The following MAGI1 variants were observed in gnomAD, a reference collection of about 807,000 sequenced individuals.
MAGI1 encodes the protein membrane associated guanylate kinase, WW and PDZ domain containing 1, also known as membrane-associated guanylate kinase, WW and PDZ domain-containing protein 1.
MAGI1 carries 58 observed loss-of-function variants against 139.9 expected under a neutral mutation model. The observed-to-expected ratio is 0.41, with a 90% CI of 0.34 to 0.52. The LOEUF is 0.52. Ranked by LOEUF, MAGI1 falls within the 20% of genes least tolerant of loss-of-function variation. The probability of loss-of-function intolerance (pLI) is 0.12; values close to 1 mark genes in which losing one functional copy is unlikely to be tolerated. For missense variants in MAGI1, 1,874 were observed against 1,901.6 expected (o/e 0.99, Z 0.27); for synonymous variants, 812 against 737.9 (o/e 1.10, Z -1.63).
chr3:65,615,877 C>CA lies in MAGI1; in HGVS notation c.430+6094dup, dbSNP rs1415136413. 3.9e-5 allele frequency among the ~76,000 whole-genome samples: 6 copies of CA among 152,278 alleles called. No homozygotes were observed. The East Asian group carries it at 5.8e-4, about 15-fold the overall frequency. On this transcript the variant is annotated intron_variant, in intron 2 of 22. Transcript: ENST00000402939. ...ACATGGTGAAATAGGAAACCACGTA[C>CA]AAGCAGTGCAGTGATATCCTTGACA...
intron 2 of MAGI1, among the ~76,000 whole-genome samples, chr3:65,588,048 T>G (rs2081777487): frequency 6.6e-6 from 1 of 152,148 alleles, no homozygotes; most frequent in Non-Finnish European, 1.5e-5. Context: ...TAGAGGCTCC[T>G]TTTCTGAACA....
intron 1 of MAGI1, among the ~76,000 whole-genome samples, chr3:65,875,621 T>C (rs1157271866): frequency 6.6e-6 from 1 of 152,266 alleles, no homozygotes; most frequent in Non-Finnish European, 1.5e-5. Context: ...AAGACACTTA[T>C]CTCCTCCAGG....
At chr3:65,901,279 A>C (rs1449727719) in intron 1 of MAGI1, among the ~76,000 whole-genome samples, 2 of 152,216 alleles carry the variant, frequency 1.3e-5, no homozygotes, top group Admixed American at 6.5e-5. Context: ...AATGATGAGG[A>C]ATCCACCATG....
intron 18 of MAGI1, among the ~76,000 whole-genome samples, chr3:65,374,735 C>T (rs1942333721): frequency 6.6e-6 from 1 of 152,092 alleles, no homozygotes; most frequent in Non-Finnish European, 1.5e-5. Flanking sequence ...CATGTCTGAC[C>T]TAACTAGATG....
chr3:65,603,010 G>C (rs1192758240), intron 2 of MAGI1, among the ~76,000 whole-genome samples: 1 of 152,008 alleles, frequency 6.6e-6, no homozygotes, highest in Admixed American at 6.5e-5. Flanking sequence ...TCATTTTCTA[G>C]AATAATAAAT....
intron 5 of MAGI1, among the ~76,000 whole-genome samples, chr3:65,454,123 G>A (rs1190912908): frequency 6.6e-6 from 1 of 152,048 alleles, no homozygotes; most frequent in Non-Finnish European, 1.5e-5. Flanking sequence ...CAGCTTTTGT[G>A]CTTCCCAAAG....
intron 1 of MAGI1, among the ~76,000 whole-genome samples, chr3:65,869,622 G>A (rs537392112): frequency 7.9e-5 from 12 of 151,954 alleles, no homozygotes; most frequent in South Asian, 6.2e-4. Flanking sequence ...GGATGGTCTC[G>A]ATCTCCTGAC....
intron 2 of MAGI1, among the ~76,000 whole-genome samples, chr3:65,574,879 G>T (rs1338647899): frequency 6.6e-6 from 1 of 151,988 alleles, no homozygotes. Context: ...TTCAACAAGT[G>T]ACACTAAAAC....
intron 1 of MAGI1, among the ~76,000 whole-genome samples, chr3:65,921,642 T>C (rs1360049439): frequency 6.6e-6 from 1 of 152,114 alleles, no homozygotes; most frequent in Non-Finnish European, 1.5e-5. Flanking sequence ...TTTACCACCA[T>C]ATTGGAATAA....
Position 65,850,328 on chromosome 3 carries a change from A to T in MAGI1, c.313+187668T>A, listed in dbSNP as rs559468603. On this transcript the variant is annotated intron_variant, in intron 1 of 22. Transcript: ENST00000402939. ...CACTTTTAGTATGGAAAAACCTGGA[A>T]ACCATATGCAAACTTAATCCCAGTT... Among the ~76,000 whole-genome samples, 8 of 152,270 alleles carry T rather than the reference A, an allele frequency of 5.3e-5. No individual in the cohort carries two copies. In the South Asian group the frequency reaches 1.7e-3, roughly 32 times the overall value.
intron 2 of MAGI1, among the ~76,000 whole-genome samples, chr3:65,580,318 CT>C (rs35237934): frequency 2.7e-5 from 4 of 148,862 alleles, no homozygotes; most frequent in Non-Finnish European, 4.5e-5. Flanking sequence ...CTTTTTTCTC[CT>C]TTTTTTTTTC....
intron 2 of MAGI1, among the ~76,000 whole-genome samples, chr3:65,500,159 T>C (rs1010696446): frequency 1.3e-5 from 2 of 152,232 alleles, no homozygotes; most frequent in Non-Finnish European, 1.5e-5. Flanking sequence ...TGAATAGGAA[T>C]ATACTACAAG....
At chr3:65,885,054 T>G (rs959130886) in intron 1 of MAGI1, among the ~76,000 whole-genome samples, 1 of 151,956 alleles carries the variant, frequency 6.6e-6, no homozygotes, top group Non-Finnish European at 1.5e-5. Flanking sequence ...AACAAAAAAA[T>G]CACATATAAA....
At chr3:65,466,596 A>G (rs1016546580) in intron 5 of MAGI1, among the ~76,000 whole-genome samples, 3 of 152,048 alleles carry the variant, frequency 2.0e-5, no homozygotes, top group African/African-American at 7.2e-5. Flanking sequence ...CTCCACAGGG[A>G]GAGGGTGGGC....
chr3:65,437,845 C>T (rs1947957340), intron 9 of MAGI1, among the ~76,000 whole-genome samples: 1 of 152,162 alleles, frequency 6.6e-6, no homozygotes, highest in African/African-American at 2.4e-5. Flanking sequence ...CATTTGCAAA[C>T]TGCACTTTCT....
At position 65,880,794 on chromosome 3, in the gene MAGI1, C is replaced by A. The variant is rs1163310057; in HGVS notation, c.313+157202G>T. On this transcript the variant is annotated intron_variant, in intron 1 of 22. Transcript: ENST00000402939. Reference sequence around the variant, plus strand: ...GTAAAATCCAAAAAACTAGTTGTAACCTCCTGAATTAAAGAAAAGAGAAAG... The same window carrying A: ...GTAAAATCCAAAAAACTAGTTGTAAACTCCTGAATTAAAGAAAAGAGAAAG... Among the ~76,000 whole-genome samples, 7 of 152,236 alleles carry A rather than the reference C, an allele frequency of 4.6e-5. No homozygotes were observed. In the South Asian group the frequency reaches 1.2e-3, roughly 27 times the overall value.
chr3:65,358,430 C>T (rs1940439574), intron 22 of MAGI1, among the ~76,000 whole-genome samples: 1 of 152,116 alleles, frequency 6.6e-6, no homozygotes. Flanking sequence ...TGTTTCATGA[C>T]AACTTCCCAA....
chr3:65,833,830 T>C (rs755588473), intron 1 of MAGI1, among the ~76,000 whole-genome samples: 2 of 152,202 alleles, frequency 1.3e-5, no homozygotes, highest in Non-Finnish European at 2.9e-5. Flanking sequence ...AAGCCAAAAG[T>C]TGGCTGAAGA....
At chr3:65,897,402 G>A (rs2061016330) in intron 1 of MAGI1, among the ~76,000 whole-genome samples, 2 of 151,966 alleles carry the variant, frequency 1.3e-5, no homozygotes, top group South Asian at 2.1e-4. Flanking sequence ...CTCACTCACA[G>A]GTGGGAATTC....
Sources: gnomAD v4.1 joint callset for allele counts (sites outside exome capture counted in the v4.1 genomes callset) on GRCh38, gnomAD v4.1.1 for gene constraint, MANE v1.5 for transcripts, NCBI Gene and HGNC (gene_info 2026-07-23, HGNC 2026-07-21) for gene names.